The following MEPE variants were observed in gnomAD, a reference collection of about 807,000 sequenced individuals.
MEPE encodes matrix, extracellular phosphoglycoprotein with ASARM motif (bone).
A neutral mutation model predicts 7.3 loss-of-function variants in MEPE; 7 were observed. The ratio of observed to expected loss-of-function variants is 0.95; its 90% CI spans 0.54 to 1.79. The LOEUF is 1.79. Ranked by LOEUF, MEPE falls within the 40% of genes most tolerant of loss-of-function variation. MEPE has a pLI of 0.00. For synonymous variants in MEPE, 214 were observed against 213.1 expected, an observed-to-expected ratio of 1.00 and a Z score of -0.04; for missense variants, 623 against 628.2, an observed-to-expected ratio of 0.99 and a Z score of 0.09.
intron 3 of MEPE, chr4:87,839,538 T>C: frequency 1.6e-6 from 1 of 619,314 alleles, no homozygotes; most frequent in Non-Finnish European, 2.8e-6. Context: ...ACACACACCC[T>C]CCTGTGGTTA....
intron 3 of MEPE, among the ~76,000 whole-genome samples, chr4:87,840,369 A>G (rs1015366137): frequency 3.9e-5 from 6 of 152,218 alleles, no homozygotes; most frequent in Admixed American, 2.0e-4. Context: ...TTGAAATGCC[A>G]TCAGCAAAAG....
intron 3 of MEPE, among the ~76,000 whole-genome samples, chr4:87,842,028 T>C (rs916268707): frequency 6.6e-6 from 1 of 152,182 alleles, no homozygotes; most frequent in African/African-American, 2.4e-5. Context: ...TACTGAAAGG[T>C]AGATATCATT....
intron 2 of MEPE, among the ~76,000 whole-genome samples, chr4:87,837,138 T>C (rs1191381383): frequency 6.6e-6 from 1 of 151,622 alleles, no homozygotes; most frequent in Non-Finnish European, 1.5e-5. Context: ...AGCTATAAAG[T>C]ATAAGGAAGA....
chr4:87,842,852 T>C (rs1723065673), intron 3 of MEPE, among the ~76,000 whole-genome samples: 1 of 152,170 alleles, frequency 6.6e-6, no homozygotes, highest in African/African-American at 2.4e-5. Flanking sequence ...ATGTAAGATG[T>C]TCAAGGAAAG....
chr4:87,829,764 T>C (rs1009422875), upstream of MEPE, among the ~76,000 whole-genome samples: 1 of 152,090 alleles, frequency 6.6e-6, no homozygotes, highest in African/African-American at 2.4e-5. Flanking sequence ...GAAAGCTCTA[T>C]ATTTCCATTC....
chr4:87,822,456 A>G (rs1387239288), intron 1 of MEPE, among the ~76,000 whole-genome samples: 2 of 152,184 alleles, frequency 1.3e-5, no homozygotes, highest in African/African-American at 2.4e-5. Context: ...TCCTGAATGC[A>G]GCTGCTAGGT....
At chr4:87,838,903 TC>T (rs1480759526) in intron 3 of MEPE, among the ~76,000 whole-genome samples, 1 of 152,232 alleles carries the variant, frequency 6.6e-6, no homozygotes, top group African/African-American at 2.4e-5. Context: ...GATTTATTTC[TC>T]CCCAGTATGA....
At chr4:87,821,761 G>A (rs556793468) in intron 1 of MEPE, among the ~76,000 whole-genome samples, 1 of 152,274 alleles carries the variant, frequency 6.6e-6, no homozygotes, top group South Asian at 2.1e-4. Context: ...GGCCCCGTAA[G>A]CCTGCAAGGG....
rs1350419215 is a variant in MEPE at position 87,846,723 on chromosome 4, G to C, written c.*277G>C. On this transcript the variant is annotated 3_prime_UTR_variant, in exon 4 of 4. Transcript: ENST00000361056. ...TAGGTGTCATTTAAAAATAGTTGGT[G>C]AATGTCACAAATGCCTTCTATGTTG... is the stretch of plus-strand genomic sequence containing the variant. 2.8e-6 allele frequency: 1 copy of C among 357,066 alleles called. No homozygotes were observed. Among genetic ancestry groups the C allele is most frequent in the Non-Finnish European group, 5.0e-6 (1 of 198,566 alleles). The allele number at this position is 357,066 out of a possible 1,614,324, so 22.1% of individuals were successfully genotyped here. A position where few individuals can be genotyped will look rare whatever the true frequency, so the allele number is the denominator to read the frequency against.
intron 3 of MEPE, among the ~76,000 whole-genome samples, chr4:87,841,749 C>T (rs960023151): frequency 5.9e-5 from 9 of 152,134 alleles, no homozygotes; most frequent in African/African-American, 2.2e-4. Flanking sequence ...AACATCCCAT[C>T]GACGGCTACA....
At position 87,846,365 on chromosome 4, in the gene MEPE, C is replaced by T. The variant is rs201756883; in HGVS notation, c.1497C>T (p.Asn499=). The T allele has an allele frequency of 1.0e-4, 163 of 1,614,042 alleles. 2 individuals carry two copies. In the East Asian group the frequency reaches 3.2e-3, roughly 32 times the overall value. ...KGSWGRQPHS[N]RRFSSRRRDD... ...CCTGGGGTAGACAACCCCATTCCAA[C>T]AGGAGGTTTAGTTCCCGTAGAAGGG... The change falls in exon 4 of 4, where the codon AAC becomes AAT. Residue 499 remains asparagine, a synonymous_variant. Coordinates refer to ENST00000361056, the MANE Select transcript of MEPE (RefSeq NM_020203.6).
chr4:87,831,884 G>A (rs1224854508), upstream of MEPE, among the ~76,000 whole-genome samples: 6 of 151,958 alleles, frequency 3.9e-5, no homozygotes, highest in Non-Finnish European at 7.4e-5. Flanking sequence ...ACAGTCATAT[G>A]GCTGCAGGCT....
chr4:87,828,549 A>G (rs10007111), upstream of MEPE, among the ~76,000 whole-genome samples: 92,931 of 151,946 alleles, frequency 0.61, 28,624 homozygotes, highest in Middle Eastern at 0.73. Context: ...CAAGTACAGA[A>G]AAGATGGGTC....
At position 87,846,330 on chromosome 4, in the gene MEPE, G is replaced by T; in HGVS notation, c.1462G>T (p.Gly488Trp). ...TACACGGAATAAGGGTATGCCACAA[G>T]GGAAAGGCTCCTGGGGTAGACAACC... ...NSTRNKGMPQGKGSWGRQPHS... is the reference protein window; with the variant it reads ...NSTRNKGMPQWKGSWGRQPHS... Residue 488 changes from glycine to tryptophan, a missense_variant, in exon 4 of 4, where the codon GGG (glycine) becomes TGG (tryptophan). Physicochemically the swap from Gly to Trp is radical, Grantham distance 184. Transcript: ENST00000361056. 1.2e-6 allele frequency: 2 copies of T among 1,614,080 alleles called. No individual in the cohort carries two copies. Among genetic ancestry groups the T allele is most frequent in the African/African-American group, 2.7e-5 (2 of 75,042 alleles).
rs142607980 is a variant in MEPE at position 87,823,399 on chromosome 4, C to T, written c.-13+1928C>T. On this transcript the variant is annotated intron_variant, in intron 1 of 3. Transcript: ENST00000424957. Reference sequence around the variant, plus strand: ...AGACAGGATAGCAGAGGGGACCCATCTTTAATCTGTGAGGCTCACTAAATA... The same window carrying T: ...AGACAGGATAGCAGAGGGGACCCATTTTTAATCTGTGAGGCTCACTAAATA... 1.4e-4 allele frequency among the ~76,000 whole-genome samples: 22 copies of T among 152,318 alleles called. No individual in the cohort carries two copies. In the East Asian group the frequency reaches 3.9e-3, roughly 27 times the overall value.
intron 2 of MEPE, among the ~76,000 whole-genome samples, chr4:87,836,292 G>A (rs545894887): frequency 6.6e-6 from 1 of 152,108 alleles, no homozygotes; most frequent in Non-Finnish European, 1.5e-5. Flanking sequence ...TGTTTATTAG[G>A]CTATGCAATT....
Position 87,846,418 on chromosome 4 carries a change from G to A in MEPE, c.1550G>A (p.Gly517Asp), listed in dbSNP as rs1723269304. ...GACAGTAGTGAGTCATCTGACAGTGGCAGTTCAAGTGAGAGCGATGGTGAC... is the reference window on the plus strand; with the variant it reads ...GACAGTAGTGAGTCATCTGACAGTGACAGTTCAAGTGAGAGCGATGGTGAC... ...RDDSSESSDS[G>D]SSSESDGD Residue 517 changes from glycine to aspartate, a missense_variant, in exon 4 of 4, where the codon GGC (glycine) becomes GAC (aspartate). By Grantham distance (94) the Gly-to-Asp change is moderately conservative (BLOSUM62 -1). Transcript: ENST00000361056. 9.9e-6 allele frequency: 16 copies of A among 1,613,736 alleles called. No homozygotes were observed. The highest frequency in any genetic ancestry group is 2.2e-5 in the East Asian group (1 of 44,864).
chr4:87,824,309 C>T (rs561457085), intron 1 of MEPE, among the ~76,000 whole-genome samples: 35 of 152,188 alleles, frequency 2.3e-4, no homozygotes, highest in Non-Finnish European at 4.4e-4. Flanking sequence ...GTGAGACATA[C>T]CTGATCATTC....
At chr4:87,835,138 A>C (rs1192141738) in intron 2 of MEPE, among the ~76,000 whole-genome samples, 1 of 152,252 alleles carries the variant, frequency 6.6e-6, no homozygotes, top group Admixed American at 6.5e-5. Flanking sequence ...AGAATTTGAC[A>C]TGAATGTTTT....
Sources: gnomAD v4.1 joint callset for allele counts (sites outside exome capture counted in the v4.1 genomes callset) on GRCh38, gnomAD v4.1.1 for gene constraint, MANE v1.5 for transcripts, NCBI Gene and HGNC (gene_info 2026-07-23, HGNC 2026-07-21) for gene names.